Variants in ERBB4 observed in about 807,000 individuals in gnomAD.
ERBB4 encodes receptor tyrosine-protein kinase erbB-4.
ERBB4 carries 42 observed loss-of-function variants against 158.0 expected under a neutral mutation model. The observed-to-expected ratio is 0.27, with a 90% CI of 0.21 to 0.34. ERBB4 has a LOEUF of 0.34. Ranked by LOEUF, ERBB4 falls within the 10% of genes least tolerant of loss-of-function variation. ERBB4 has a pLI of 1.00. For missense variants in ERBB4, 1,333 were observed against 1,624.1 expected, an observed-to-expected ratio of 0.82 and a Z score of 3.08; for synonymous variants, 583 against 558.7, an observed-to-expected ratio of 1.04 and a Z score of -0.61.
At chr2:211,791,887 C>T (rs187959820) in intron 3 of ERBB4, among the ~76,000 whole-genome samples, 4 of 151,720 alleles carry the variant, frequency 2.6e-5, no homozygotes, top group East Asian at 1.9e-4. Context: ...AAAGATGTCA[C>T]GAATCTTTTT....
At chr2:211,951,809 C>G (rs959173423) in intron 2 of ERBB4, among the ~76,000 whole-genome samples, 1 of 152,002 alleles carries the variant, frequency 6.6e-6, no homozygotes, top group Non-Finnish European at 1.5e-5. Flanking sequence ...TAAGCATTAG[C>G]CTAACAAATA....
chr2:211,502,257 A>G (rs1222750807), intron 20 of ERBB4, among the ~76,000 whole-genome samples: 3 of 152,122 alleles, frequency 2.0e-5, no homozygotes, highest in Admixed American at 6.5e-5. Flanking sequence ...TATGGCTTCT[A>G]ACAAACAAAT....
intron 2 of ERBB4, among the ~76,000 whole-genome samples, chr2:212,008,598 T>G (rs1259194912): frequency 6.6e-6 from 1 of 152,140 alleles, no homozygotes; most frequent in Non-Finnish European, 1.5e-5. Flanking sequence ...TATACTCATT[T>G]TAACAGTTCA....
intron 1 of ERBB4, among the ~76,000 whole-genome samples, chr2:212,501,333 T>C (rs779259364): frequency 2.2e-4 from 34 of 152,134 alleles, no homozygotes; most frequent in Non-Finnish European, 4.3e-4. Flanking sequence ...GTGAGCCTTG[T>C]GAAATGTATA....
At chr2:212,299,999 C>T (rs1175196673) in intron 1 of ERBB4, among the ~76,000 whole-genome samples, 2 of 151,578 alleles carry the variant, frequency 1.3e-5, no homozygotes, top group African/African-American at 4.8e-5. Context: ...CATAGCCCCA[C>T]ATTTTCATTT....
intron 17 of ERBB4, among the ~76,000 whole-genome samples, chr2:211,628,330 C>T (rs533153485): frequency 6.6e-6 from 1 of 152,150 alleles, no homozygotes; most frequent in Non-Finnish European, 1.5e-5. Flanking sequence ...TGCCTCACCC[C>T]ACAACAGGCC....
intron 19 of ERBB4, among the ~76,000 whole-genome samples, chr2:211,587,655 G>C (rs981577506): frequency 6.6e-6 from 1 of 151,680 alleles, no homozygotes; most frequent in Non-Finnish European, 1.5e-5. Flanking sequence ...AAAAAAAAAA[G>C]TACAGTGAAT....
chr2:211,424,077 A>T lies in ERBB4; in HGVS notation c.2866+78T>A. On this transcript the variant is annotated intron_variant, in intron 23 of 27. Transcript: ENST00000342788. Reference sequence around the variant, plus strand: ...CTGTCGTATTTTTCAATACAGAGAAATGTTGTACAGATTGAGTAATCTCTG... The same window carrying T: ...CTGTCGTATTTTTCAATACAGAGAATTGTTGTACAGATTGAGTAATCTCTG... The T allele has an allele frequency of 3.6e-6, 5 of 1,380,064 alleles. 1 individual carries two copies. In the South Asian group the frequency reaches 5.8e-5, roughly 16 times the overall value. The allele number at this position is 1,380,064 out of a possible 1,614,324, so 85.5% of individuals were successfully genotyped here. A position where few individuals can be genotyped will look rare whatever the true frequency, so the allele number is the denominator to read the frequency against.
chr2:212,190,424 C>T (rs1031907781), intron 1 of ERBB4, among the ~76,000 whole-genome samples: 2 of 151,920 alleles, frequency 1.3e-5, no homozygotes, highest in African/African-American at 4.8e-5. Flanking sequence ...GTAGTCCCAG[C>T]TACTCGGGAG....
chr2:212,435,783 A>G (rs1220521540), intron 1 of ERBB4, among the ~76,000 whole-genome samples: 1 of 151,992 alleles, frequency 6.6e-6, no homozygotes, highest in Non-Finnish European at 1.5e-5. Context: ...ACATGGCTCA[A>G]GCTCCAGACC....
chr2:211,526,275 A>G (rs571492931), intron 20 of ERBB4, among the ~76,000 whole-genome samples: 17 of 152,158 alleles, frequency 1.1e-4, no homozygotes, highest in African/African-American at 3.9e-4. Flanking sequence ...TTCTTGGGAG[A>G]CAGTAAGACA....
chr2:211,534,123 T>C (rs1373821479), intron 20 of ERBB4, among the ~76,000 whole-genome samples: 2 of 152,080 alleles, frequency 1.3e-5, no homozygotes, highest in South Asian at 2.1e-4. Context: ...CTTCTCAGAG[T>C]AGGAATCCGT....
At chr2:212,462,399 C>T (rs1688621843) in intron 1 of ERBB4, among the ~76,000 whole-genome samples, 2 of 152,046 alleles carry the variant, frequency 1.3e-5, no homozygotes, top group African/African-American at 2.4e-5. Flanking sequence ...GCTCAAACAA[C>T]TCAACAGCAA....
At chr2:211,572,635 C>T (rs1574779230) in intron 19 of ERBB4, among the ~76,000 whole-genome samples, 1 of 152,166 alleles carries the variant, frequency 6.6e-6, no homozygotes, top group Non-Finnish European at 1.5e-5. Context: ...GGTAACCTTC[C>T]CCTGGTTTCT....
chr2:211,792,631 C>T (rs1004715010), intron 3 of ERBB4, among the ~76,000 whole-genome samples: 8 of 151,938 alleles, frequency 5.3e-5, no homozygotes, highest in African/African-American at 1.9e-4. Context: ...CTTGCATATG[C>T]TACAGAGAAG....
intron 3 of ERBB4, among the ~76,000 whole-genome samples, chr2:211,916,642 A>G (rs937521237): frequency 2.6e-5 from 4 of 152,180 alleles, no homozygotes; most frequent in African/African-American, 9.7e-5. Context: ...ATGGTTAAAA[A>G]TATGAGGGTC....
intron 2 of ERBB4, among the ~76,000 whole-genome samples, chr2:212,043,852 G>T (rs1024723504): frequency 1.3e-5 from 2 of 151,946 alleles, no homozygotes; most frequent in African/African-American, 4.8e-5. Flanking sequence ...TTACCAGAAG[G>T]ATAAAATGAA....
chr2:212,343,565 A>C (rs533611276), intron 1 of ERBB4, among the ~76,000 whole-genome samples: 1 of 152,308 alleles, frequency 6.6e-6, no homozygotes, highest in South Asian at 2.1e-4. Flanking sequence ...CCAAGAAAGC[A>C]CAGATTCTGA....
chr2:211,562,210 C>G, intron 19 of ERBB4, 122 bp from the exon 20 acceptor site: 1 of 787,772 alleles, frequency 1.3e-6, no homozygotes, highest in Non-Finnish European at 2.1e-6. Context: ...TGGAATCAAT[C>G]AAAATGAAAA....
Sources: gnomAD v4.1 joint callset for allele counts (sites outside exome capture counted in the v4.1 genomes callset) on GRCh38, gnomAD v4.1.1 for gene constraint, MANE v1.5 for transcripts, NCBI Gene and HGNC (gene_info 2026-07-23, HGNC 2026-07-21) for gene names.